The following PTPRO variants were observed in gnomAD, a reference collection of about 807,000 sequenced individuals.
PTPRO encodes the protein protein tyrosine phosphatase receptor type O.
Under a neutral mutation model 145.2 loss-of-function variants are expected in PTPRO, and 62 were observed. The ratio of observed to expected loss-of-function variants is 0.43; its 90% CI spans 0.35 to 0.53. The LOEUF (loss-of-function observed/expected upper bound fraction) is 0.53, where lower values mean the gene tolerates loss of function less well. PTPRO is among the 20% of genes least tolerant of loss of function. The pLI, the probability that PTPRO is intolerant of heterozygous loss-of-function variation, is 0.01. For missense variants in PTPRO, 1,345 were observed against 1,482.7 expected, an observed-to-expected ratio of 0.91 and a Z score of 1.53; for synonymous variants, 565 against 514.7, an observed-to-expected ratio of 1.10 and a Z score of -1.32.
intron 16 of PTPRO, 68 bp downstream of exon 16, chr12:15,557,591 T>C: frequency 7.0e-7 from 1 of 1,419,442 alleles, no homozygotes; most frequent in Non-Finnish European, 1.0e-6. Flanking sequence ...AAGTCGATTT[T>C]ACTATCCTTT....
chr12:15,393,852 G>A (rs887843796), intron 1 of PTPRO, among the ~76,000 whole-genome samples: 1 of 152,140 alleles, frequency 6.6e-6, no homozygotes, highest in African/African-American at 2.4e-5. Flanking sequence ...AAGCTAGGAA[G>A]TCCAATATCA....
At chr12:15,572,353 C>T (rs1944072902) in intron 19 of PTPRO, among the ~76,000 whole-genome samples, 1 of 152,084 alleles carries the variant, frequency 6.6e-6, no homozygotes, top group Non-Finnish European at 1.5e-5. Flanking sequence ...ACTATACAAA[C>T]AGTATAGTAT....
At chr12:15,337,752 T>C (rs1242449083) in intron 1 of PTPRO, among the ~76,000 whole-genome samples, 9 of 152,188 alleles carry the variant, frequency 5.9e-5, no homozygotes, top group Admixed American at 5.9e-4. Context: ...GAATGAACCA[T>C]TGATACACAT....
chr12:15,556,990 C>T (rs1432399878), intron 15 of PTPRO, among the ~76,000 whole-genome samples: 1 of 150,518 alleles, frequency 6.6e-6, no homozygotes, highest in Non-Finnish European at 1.5e-5. Context: ...CATTGTATGC[C>T]AAAAGGGAAC....
At chr12:15,397,965 C>A (rs944196033) in intron 1 of PTPRO, among the ~76,000 whole-genome samples, 5 of 152,104 alleles carry the variant, frequency 3.3e-5, no homozygotes, top group African/African-American at 1.2e-4. Flanking sequence ...TTTGTAGTTA[C>A]CCTGAATAAT....
intron 15 of PTPRO, among the ~76,000 whole-genome samples, chr12:15,553,691 A>T (rs1943535716): frequency 6.6e-6 from 1 of 152,192 alleles, no homozygotes; most frequent in Non-Finnish European, 1.5e-5. Context: ...ACAGCATCTG[A>T]CTTAGATTTA....
At chr12:15,560,323 G>A (rs772697657) in intron 17 of PTPRO, 47 bp downstream of exon 17, 3 of 1,400,004 alleles carry the variant, frequency 2.1e-6, no homozygotes, top group Non-Finnish European at 3.0e-6. Context: ...TTAAAAGTTA[G>A]CTTTCAAGAA....
intron 1 of PTPRO, among the ~76,000 whole-genome samples, chr12:15,461,646 C>A (rs1279974407): frequency 2.8e-5 from 4 of 143,392 alleles, no homozygotes; most frequent in East Asian, 2.2e-4. Context: ...CGGCTCACTG[C>A]AACCTCCGCC....
intron 12 of PTPRO, among the ~76,000 whole-genome samples, chr12:15,526,672 A>G (rs1010224504): frequency 2.0e-5 from 3 of 152,130 alleles, no homozygotes; most frequent in African/African-American, 4.8e-5. Flanking sequence ...TTTAAATTTT[A>G]TATAGTTTCC....
At chr12:15,467,853 C>T (rs1268819348) in intron 1 of PTPRO, among the ~76,000 whole-genome samples, 1 of 152,168 alleles carries the variant, frequency 6.6e-6, no homozygotes, top group Non-Finnish European at 1.5e-5. Context: ...TCCACTCATA[C>T]AAAGCATTTG....
At chr12:15,464,892 T>C (rs1213145764) in intron 1 of PTPRO, among the ~76,000 whole-genome samples, 1 of 152,314 alleles carries the variant, frequency 6.6e-6, no homozygotes, top group East Asian at 1.9e-4. Flanking sequence ...TTAGAACTTG[T>C]ACCATTAAAA....
intron 1 of PTPRO, among the ~76,000 whole-genome samples, chr12:15,416,217 G>A (rs775103230): frequency 2.0e-5 from 3 of 151,550 alleles, no homozygotes; most frequent in East Asian, 3.9e-4. Flanking sequence ...TGCCCTTGTC[G>A]TGTTGAATGA....
intron 1 of PTPRO, among the ~76,000 whole-genome samples, chr12:15,398,676 A>G (rs567549778): frequency 6.7e-6 from 1 of 148,914 alleles, no homozygotes; most frequent in Non-Finnish European, 1.5e-5. Context: ...TGAATGTAAT[A>G]TTTTACAGAA....
intron 15 of PTPRO, among the ~76,000 whole-genome samples, chr12:15,552,909 T>G (rs1275176072): frequency 1.3e-5 from 2 of 151,354 alleles, no homozygotes; most frequent in Non-Finnish European, 2.9e-5. Flanking sequence ...AAGCGATTCT[T>G]CTGCCTCAGT....
At chr12:15,419,278 G>A (rs999102069) in intron 1 of PTPRO, among the ~76,000 whole-genome samples, 4 of 150,446 alleles carry the variant, frequency 2.7e-5, no homozygotes, top group Admixed American at 2.0e-4. Context: ...GGGGAGGGGG[G>A]CTAATTGATG....
At chr12:15,546,531 G>A (rs1264432676) in intron 12 of PTPRO, 38 bp from the exon 13 acceptor site, 1 of 1,550,954 alleles carries the variant, frequency 6.4e-7, no homozygotes, top group Non-Finnish European at 8.7e-7. Context: ...AATACACTTA[G>A]TAAATTAAAT....
At chr12:15,559,007 A>T (rs773055425) in intron 16 of PTPRO, among the ~76,000 whole-genome samples, 2 of 152,180 alleles carry the variant, frequency 1.3e-5, no homozygotes, top group South Asian at 2.1e-4. Context: ...CTCTTTCCAA[A>T]ATTAAGAGGT....
chr12:15,562,093 A>G (rs891428270), intron 17 of PTPRO, among the ~76,000 whole-genome samples: 1 of 152,186 alleles, frequency 6.6e-6, no homozygotes, highest in Non-Finnish European at 1.5e-5. Context: ...AAGGTAAAAC[A>G]TAGAGCTGCA....
At chr12:15,522,989 TATA>T (rs1223810787) in intron 10 of PTPRO, among the ~76,000 whole-genome samples, 1 of 152,228 alleles carries the variant, frequency 6.6e-6, no homozygotes, top group Non-Finnish European at 1.5e-5. Flanking sequence ...ATTAGGAGGC[TATA>T]AGGAAGCCAA....
Sources: gnomAD v4.1 joint callset for allele counts (sites outside exome capture counted in the v4.1 genomes callset) on GRCh38, gnomAD v4.1.1 for gene constraint, MANE v1.5 for transcripts, NCBI Gene and HGNC (gene_info 2026-07-23, HGNC 2026-07-21) for gene names.